ANTXR2: variants seen among roughly 807,000 people sequenced by gnomAD.
ANTXR2 encodes the protein anthrax toxin receptor 2.
A neutral mutation model predicts 73.7 loss-of-function variants in ANTXR2; 44 were observed. The ratio of observed to expected loss-of-function variants is 0.60; its 90% confidence interval spans 0.47 to 0.77. ANTXR2 has a LOEUF of 0.77. Among genes scored for constraint, ANTXR2 ranks in the 30% least tolerant of loss-of-function variants. The probability of loss-of-function intolerance (pLI) is 0.00; values close to 1 mark genes in which losing one functional copy is unlikely to be tolerated. For synonymous variants in ANTXR2, 217 were observed against 205.9 expected, an observed-to-expected ratio of 1.05 and a Z score of -0.46; for missense variants, 604 against 592.5, an observed-to-expected ratio of 1.02 and a Z score of -0.20.
intron 1 of ANTXR2, 133 bp from the exon 2 acceptor site, chr4:80,071,787 T>C: frequency 2.9e-6 from 2 of 679,920 alleles, no homozygotes; most frequent in African/African-American, 3.6e-5. Flanking sequence ...TAAGGGTATC[T>C]GTAGCTGAAA....
At chr4:79,975,546 G>A (rs957507609) in intron 16 of ANTXR2, among the ~76,000 whole-genome samples, 3 of 152,088 alleles carry the variant, frequency 2.0e-5, no homozygotes, top group African/African-American at 7.2e-5. Context: ...TGTTTTTATT[G>A]GCTAGTATAT....
intron 12 of ANTXR2, among the ~76,000 whole-genome samples, chr4:80,003,659 A>G (rs113139419): frequency 0.36 from 54,245 of 151,988 alleles, 12,065 homozygotes; most frequent in Non-Finnish European, 0.47. Flanking sequence ...AAGCACACGA[A>G]AACATGTTCC....
chr4:79,992,002 C>G (rs1730492894), intron 12 of ANTXR2, among the ~76,000 whole-genome samples: 1 of 151,934 alleles, frequency 6.6e-6, no homozygotes, highest in Admixed American at 6.6e-5. Flanking sequence ...AACTACCCAT[C>G]AGGTACTATG....
chr4:80,040,747 C>T (rs1733200138), intron 7 of ANTXR2, among the ~76,000 whole-genome samples: 2 of 75,420 alleles, frequency 2.7e-5, no homozygotes, highest in Non-Finnish European at 5.4e-5. Context: ...CATGCATAGA[C>T]ACACACACAC....
At chr4:79,912,311 C>A (rs1044683333) in intron 16 of ANTXR2, among the ~76,000 whole-genome samples, 1 of 151,728 alleles carries the variant, frequency 6.6e-6, no homozygotes, top group Non-Finnish European at 1.5e-5. Context: ...AAGAATTAGG[C>A]AAATTAATCT....
chr4:79,951,415 A>G (rs1016629426), intron 16 of ANTXR2, among the ~76,000 whole-genome samples: 1 of 152,030 alleles, frequency 6.6e-6, no homozygotes, highest in Non-Finnish European at 1.5e-5. Context: ...CCCTGTCTCT[A>G]CTAAAAATAC....
At chr4:80,041,772 T>A (rs966236349) in intron 7 of ANTXR2, among the ~76,000 whole-genome samples, 3 of 152,086 alleles carry the variant, frequency 2.0e-5, no homozygotes, top group Non-Finnish European at 4.4e-5. Flanking sequence ...TCCAGCTCCA[T>A]CCATGTCCTT....
intron 16 of ANTXR2, among the ~76,000 whole-genome samples, chr4:79,919,329 T>C (rs1030756316): frequency 6.6e-6 from 1 of 152,194 alleles, no homozygotes; most frequent in Non-Finnish European, 1.5e-5. Flanking sequence ...TTAATTTTAC[T>C]ATTTGTTATT....
intron 12 of ANTXR2, among the ~76,000 whole-genome samples, chr4:79,986,970 A>T: frequency 6.6e-6 from 1 of 152,214 alleles, no homozygotes; most frequent in Non-Finnish European, 1.5e-5. Flanking sequence ...CAAGAACATC[A>T]AAGAATATAA....
intron 12 of ANTXR2, among the ~76,000 whole-genome samples, chr4:80,004,841 G>A (rs1578147069): frequency 6.6e-6 from 1 of 152,082 alleles, no homozygotes; most frequent in Non-Finnish European, 1.5e-5. Context: ...GACCTCTGGA[G>A]CTGCCTCAGT....
Position 79,975,002 on chromosome 4 carries a change from T to C in ANTXR2, c.1428+2619A>G, listed in dbSNP as rs1212006945. 6.1e-4 allele frequency among the ~76,000 whole-genome samples: 93 copies of C among 152,212 alleles called. 2 individuals carry two copies. The highest frequency in any genetic ancestry group is 1.5e-5 in the Non-Finnish European group (1 of 68,030). On this transcript the variant is annotated intron_variant, in intron 16 of 16. Transcript: ENST00000403729. ...TTGAATGAATGATTATAATGCATCA[T>C]TTTAAAAACTAAACATACCAATTAT...
At chr4:79,943,735 TA>T (rs201154009) in intron 16 of ANTXR2, among the ~76,000 whole-genome samples, 13,701 of 140,920 alleles carry the variant, frequency 0.097, 704 homozygotes, top group Middle Eastern at 0.24. Flanking sequence ...TAGAGTATAA[TA>T]AAAAAAAAAA....
At chr4:80,037,137 A>G (rs1733016301) in intron 7 of ANTXR2, among the ~76,000 whole-genome samples, 2 of 152,298 alleles carry the variant, frequency 1.3e-5, no homozygotes, top group Middle Eastern at 3.4e-3. Flanking sequence ...ACTGCTCTGC[A>G]CTATATTATC....
chr4:79,910,851 T>C (rs1485889031), intron 16 of ANTXR2, among the ~76,000 whole-genome samples: 1 of 152,044 alleles, frequency 6.6e-6, no homozygotes, highest in Non-Finnish European at 1.5e-5. Context: ...GAGGAAAAGG[T>C]AAGAAAGAAG....
At position 80,054,260 on chromosome 4, in the gene ANTXR2, A is replaced by G; in HGVS notation, c.636+12T>C. ...GGTTATGAGCCCTTCCTGCCCCCAG[A>G]GAAATACTCACAGAATTAATTATTC... On this transcript the variant is annotated intron_variant, in intron 7 of 16. Transcript: ENST00000403729. 1 of 1,584,132 alleles carries G rather than the reference A, an allele frequency of 6.3e-7. No individual in the cohort carries two copies. The highest frequency in any genetic ancestry group is 8.6e-7 in the Non-Finnish European group (1 of 1,161,562).
chr4:79,935,651 GC>G (rs1728235665), intron 16 of ANTXR2, among the ~76,000 whole-genome samples: 1 of 152,166 alleles, frequency 6.6e-6, no homozygotes, highest in African/African-American at 2.4e-5. Flanking sequence ...TAATTGCCTG[GC>G]TAAGGCATGT....
intron 6 of ANTXR2, 53 bp from the exon 7 acceptor site, chr4:80,054,405 T>TGCAGAAC: frequency 2.4e-6 from 3 of 1,265,130 alleles, no homozygotes; most frequent in Non-Finnish European, 3.3e-6. Flanking sequence ...CATACAACAA[T>TGCAGAAC]TTATAAACTT....
chr4:80,071,644 C>T lies in ANTXR2; in HGVS notation c.163G>A (p.Val55Met), dbSNP rs1734791579. The T allele has an allele frequency of 1.2e-6, 2 of 1,611,938 alleles. No individual in the cohort carries two copies. The highest frequency in any genetic ancestry group is 1.7e-6 in the Non-Finnish European group (2 of 1,178,142). The change falls in exon 2 of 17, where the codon GTG becomes ATG. Residue 55 changes from valine to methionine, a missense_variant. Val to Met is a conservative substitution (Grantham distance 21). Coordinates refer to ENST00000403729, the MANE Select transcript of ANTXR2 (RefSeq NM_058172.6). ...TAAATTTCAATCCAGTTATTTGCCACACTCCCAGACCTGAAAGATGAAATT... is the reference window on the plus strand; with the variant it reads ...TAAATTTCAATCCAGTTATTTGCCATACTCCCAGACCTGAAAGATGAAATT... ...LYFVLDKSGSVANNWIEIYNF... is the reference protein window; with the variant it reads ...LYFVLDKSGSMANNWIEIYNF...
At chr4:79,954,284 G>T (rs1311337737) in intron 16 of ANTXR2, among the ~76,000 whole-genome samples, 2 of 152,104 alleles carry the variant, frequency 1.3e-5, no homozygotes, top group Non-Finnish European at 2.9e-5. Flanking sequence ...CTTCTAAAAT[G>T]CTGGGATTAC....
Sources: allele counts gnomAD v4.1 joint callset (sites outside exome capture counted in the v4.1 genomes callset), GRCh38; gene constraint gnomAD v4.1.1; transcripts MANE v1.5; gene names NCBI Gene and HGNC (gene_info 2026-07-23, HGNC 2026-07-21).